Variants in NCOA4 observed in about 807,000 individuals in gnomAD.
The protein encoded by NCOA4 is nuclear receptor coactivator 4.
A neutral mutation model predicts 69.5 loss-of-function variants in NCOA4; 31 were observed. That is an observed-to-expected ratio of 0.45 (90% CI 0.34 to 0.60). NCOA4 has a LOEUF of 0.60. Ranked by LOEUF, NCOA4 falls within the 20% of genes least tolerant of loss-of-function variation. NCOA4 has a pLI of 0.02. For missense variants in NCOA4, 600 were observed against 719.2 expected, an observed-to-expected ratio of 0.83 and a Z score of 1.90; for synonymous variants, 228 against 252.4, an observed-to-expected ratio of 0.90 and a Z score of 0.92.
chr10:46,018,530 T>C (rs1839699117), intron 1 of NCOA4, among the ~76,000 whole-genome samples: 1 of 152,220 alleles, frequency 6.6e-6, no homozygotes, highest in African/African-American at 2.4e-5. Flanking sequence ...TAACACACTT[T>C]AGAAGAGGAC....
At chr10:46,017,491 G>T (rs1335556944) in intron 1 of NCOA4, among the ~76,000 whole-genome samples, 1 of 152,156 alleles carries the variant, frequency 6.6e-6, no homozygotes, top group Non-Finnish European at 1.5e-5. Flanking sequence ...GCTGCAGTGA[G>T]CCGTGATTGC....
Position 46,009,429 on chromosome 10 carries a change from T to C in NCOA4, c.1821A>G (p.Leu607=), listed in dbSNP as rs782500596. The C allele has an allele frequency of 3.5e-5, 56 of 1,612,638 alleles. No homozygotes were observed. Among genetic ancestry groups the C allele is most frequent in the Non-Finnish European group, 4.3e-5 (51 of 1,179,850 alleles). ...TACCCACCTGTAGAGGAGTTCGATA[T>C]AACCACTTCTCTTTATCAACTTTAA... is the stretch of plus-strand genomic sequence containing the variant. ...MQLKVDKEKW[L]YRTPLQM is the part of the protein sequence containing the mutation. The change falls in exon 9 of 10, where the codon TTA becomes TTG. Residue 607 remains leucine (L), a synonymous_variant. Transcript: ENST00000581486.
At chr10:46,018,076 C>A (rs1231535502) in intron 1 of NCOA4, among the ~76,000 whole-genome samples, 1 of 152,104 alleles carries the variant, frequency 6.6e-6, no homozygotes, top group African/African-American at 2.4e-5. Context: ...AAGAGAAGCA[C>A]AATTAAACTG....
rs184223236 is a variant in NCOA4 at position 46,005,643 on chromosome 10, C to T, written c.*949G>A. On this transcript the variant is annotated 3_prime_UTR_variant, in exon 10 of 10. Transcript: ENST00000581486. ...AAACGGCCTGTTCACTAAAACGTCACTTTTGGAGGTACAGGTATGCTGTGC... is the reference window on the plus strand; with the variant it reads ...AAACGGCCTGTTCACTAAAACGTCATTTTTGGAGGTACAGGTATGCTGTGC... 15 of 219,266 alleles carry T rather than the reference C, an allele frequency of 6.8e-5. No individual in the cohort carries two copies. The highest frequency in any genetic ancestry group is 1.3e-4 in the Non-Finnish European group (14 of 108,946). The allele number at this position is 219,266 out of a possible 1,614,324, so 13.6% of individuals were successfully genotyped here.
At chr10:46,008,047 A>G (rs1361445001) in intron 9 of NCOA4, among the ~76,000 whole-genome samples, 1 of 152,192 alleles carries the variant, frequency 6.6e-6, no homozygotes, top group East Asian at 1.9e-4. Flanking sequence ...CTCTGTTGAG[A>G]ACTACTGCTC....
At chr10:46,006,695 T>A in intron 9 of NCOA4, 98 bp from the exon 10 acceptor site, 2 of 1,061,296 alleles carry the variant, frequency 1.9e-6, no homozygotes, top group South Asian at 1.3e-5. Flanking sequence ...AATACAGGTA[T>A]ACCCTTGTTA....
rs377057110 is a variant in NCOA4 at position 46,013,018 on chromosome 10, T to C, written c.579A>G (p.Ala193=). 7.4e-6 allele frequency: 12 copies of C among 1,613,948 alleles called. No individual in the cohort carries two copies. Among genetic ancestry groups the C allele is most frequent in the African/African-American group, 4.0e-5 (3 of 74,942 alleles). The change falls in exon 7 of 10, where the codon GCA becomes GCG. Residue 193 remains alanine (A), a synonymous_variant. Coordinates refer to ENST00000581486, the MANE Select transcript of NCOA4 (RefSeq NM_001145263.2). ...TGAAAGGGACAGCTACAATACCGGA[T>C]GCTGACTTCTGTTAATCACAAAACA... The part of the protein sequence containing the change: ...GCISMPEQKS[A]SGIVAVPFSE...
At chr10:46,009,294 T>C (rs1839053076) in intron 9 of NCOA4, 117 bp downstream of exon 9, 42 of 1,469,084 alleles carry the variant, frequency 2.9e-5, no homozygotes, top group Non-Finnish European at 4.0e-5. Flanking sequence ...TTGCCTAATA[T>C]ACATACTATT....
rs149999841 is a variant in NCOA4 at position 46,005,822 on chromosome 10, G to A, written c.*770C>T. ...ATGTCTTTTGCCTATTTGCTTAGTC[G>A]GTACTGGGGTTCTTTTAAGCCCCGT... On this transcript the variant is annotated 3_prime_UTR_variant, in exon 10 of 10. Coordinates refer to ENST00000581486, the MANE Select transcript of NCOA4 (RefSeq NM_001145263.2). 542 of 208,926 alleles carry A rather than the reference G, an allele frequency of 2.6e-3. 3 individuals are homozygous for A. Among genetic ancestry groups the A allele is most frequent in the African/African-American group, 0.011 (495 of 44,096 alleles). The allele number at this position is 208,926 out of a possible 1,614,324, so 12.9% of individuals were successfully genotyped here.
rs530705135 is a variant in NCOA4 at position 46,022,640 on chromosome 10, T to C, written c.-14-5946A>G. 7.3e-5 allele frequency: 24 copies of C among 330,416 alleles called. No homozygotes were observed. The East Asian group carries it at 1.8e-3, about 25-fold the overall frequency. 20.5% of individuals were successfully genotyped at this position (330,416 alleles called of 1,614,324 possible). On this transcript the variant is annotated intron_variant, in intron 1 of 9. Coordinates refer to ENST00000581486, the MANE Select transcript of NCOA4 (RefSeq NM_001145263.2). ...CCGCCACGCCCGGCTAATTTTTTTGTATTTTTAGTAGAGACGGGGTTTCAC... is the reference window on the plus strand; with the variant it reads ...CCGCCACGCCCGGCTAATTTTTTTGCATTTTTAGTAGAGACGGGGTTTCAC...
chr10:46,017,394 A>G (rs1839624707), intron 1 of NCOA4, among the ~76,000 whole-genome samples: 1 of 152,078 alleles, frequency 6.6e-6, no homozygotes, highest in Non-Finnish European at 1.5e-5. Flanking sequence ...AAAATATAAA[A>G]ATTAGCCACA....
At position 46,016,652 on chromosome 10, in the gene NCOA4, C is replaced by T. The variant is rs782767062; in HGVS notation, c.29G>A (p.Ser10Asn). 3.9e-6 allele frequency: 6 copies of T among 1,526,420 alleles called. No homozygotes were observed. In the Admixed American group the frequency reaches 9.1e-5, roughly 23 times the overall value. The allele number at this position is 1,526,420 out of a possible 1,614,324, so 94.6% of individuals were successfully genotyped here. MNTFQDQSG[S>N]SSNREPLLRC... ...CAAAAGGGGTTCTCTATTACTGGAG[C>T]TGCCACTCTGGTCTTGGAAGGTATT... Residue 10 changes from serine (S) to asparagine (N), a missense_variant, in exon 2 of 10, where the codon AGC becomes AAC. Coordinates refer to ENST00000581486, the MANE Select transcript of NCOA4 (RefSeq NM_001145263.2).
chr10:46,014,428 A>G lies in NCOA4; in HGVS notation c.480+16T>C, dbSNP rs1564923106. 2 of 1,557,366 alleles carry G rather than the reference A, an allele frequency of 1.3e-6. No homozygotes were observed. Among genetic ancestry groups the G allele is most frequent in the East Asian group, 2.2e-5 (1 of 44,554 alleles). On this transcript the variant is annotated intron_variant, in intron 5 of 9. Transcript: ENST00000581486. ...AGATATGAGAAGTGCCCAGTGAAGC[A>G]TATGAGATTACTCACAATGGTTTTG...
chr10:46,016,457 C>T (rs538876675), intron 2 of NCOA4, 83 bp downstream of exon 2: 178 of 1,287,136 alleles, frequency 1.4e-4, no homozygotes, highest in South Asian at 1.3e-3. Context: ...TTTGCTGGCA[C>T]GGAGAGACCA....
At chr10:46,007,769 T>C (rs545236938) in intron 9 of NCOA4, among the ~76,000 whole-genome samples, 1 of 152,070 alleles carries the variant, frequency 6.6e-6, no homozygotes, top group East Asian at 1.9e-4. Flanking sequence ...TGTTAATTTT[T>C]GTACAGACAG....
chr10:46,013,785 T>C (rs925307075), intron 5 of NCOA4, 146 bp from the exon 6 acceptor site: 5 of 561,932 alleles, frequency 8.9e-6, no homozygotes, highest in Non-Finnish European at 1.5e-5. Context: ...ACAAAGTAGT[T>C]ATCAAATTTG....
intron 1 of NCOA4, 69 bp from the exon 2 acceptor site, chr10:46,016,763 T>C: frequency 8.7e-7 from 1 of 1,146,760 alleles, no homozygotes; most frequent in Non-Finnish European, 1.1e-6. Context: ...GAATCATCCC[T>C]CAAATGATCA....
chr10:46,010,729 A>G lies in NCOA4; in HGVS notation c.1192T>C (p.Cys398Arg), dbSNP rs782360122. Residue 398 changes from cysteine to arginine, a missense_variant, in exon 8 of 10, where the codon TGT becomes CGT. Coordinates refer to ENST00000581486, the MANE Select transcript of NCOA4 (RefSeq NM_001145263.2). ...DWLVQNHQDPCKVEEVCRANE... is the reference protein window; with the variant it reads ...DWLVQNHQDPRKVEEVCRANE... ...GCTCTGCACACCTCCTCTACCTTACATGGGTCCTGATGGTTCTGGACAAGC... is the reference window on the plus strand; with the variant it reads ...GCTCTGCACACCTCCTCTACCTTACGTGGGTCCTGATGGTTCTGGACAAGC... The G allele has an allele frequency of 3.5e-5, 56 of 1,613,732 alleles. No homozygotes were observed. Among genetic ancestry groups the G allele is most frequent in the Non-Finnish European group, 4.6e-5 (54 of 1,179,828 alleles).
intron 1 of NCOA4, chr10:46,027,555 A>G: frequency 7.2e-7 from 1 of 1,390,760 alleles, no homozygotes; most frequent in East Asian, 2.5e-5. Context: ...TCAAGATGAA[A>G]ACCTTGGATG....
Sources: gnomAD v4.1 joint callset for allele counts (sites outside exome capture counted in the v4.1 genomes callset) on GRCh38, gnomAD v4.1.1 for gene constraint, MANE v1.5 for transcripts, NCBI Gene and HGNC (gene_info 2026-07-23, HGNC 2026-07-21) for gene names.